ZFHX3: variants seen among roughly 807,000 people sequenced by gnomAD.
ZFHX3 encodes zinc finger homeobox 3, also known as zinc finger homeobox protein 3.
ZFHX3 carries 42 observed loss-of-function variants against 279.1 expected under a neutral mutation model. The observed-to-expected ratio is 0.15, with a 90% CI of 0.12 to 0.19. The LOEUF (loss-of-function observed/expected upper bound fraction) is 0.19, where lower values mean the gene tolerates loss of function less well. Ranked by LOEUF, ZFHX3 falls within the 10% of genes least tolerant of loss-of-function variation. The pLI is 1.00. For missense variants in ZFHX3, 4,981 were observed against 4,754.0 expected (o/e 1.05, Z -1.40); for synonymous variants, 2,293 against 1,957.8 (o/e 1.17, Z -4.52).
chr16:73,416,523 T>C (rs768939504), intron 3 of ZFHX3, among the ~76,000 whole-genome samples: 6 of 152,118 alleles, frequency 3.9e-5, no homozygotes, highest in Non-Finnish European at 7.4e-5. Context: ...GATACCACAG[T>C]CATAAATGTC....
chr16:73,681,033 G>A (rs372714753), intron 1 of ZFHX3, among the ~76,000 whole-genome samples: 92 of 152,314 alleles, frequency 6.0e-4, no homozygotes, highest in African/African-American at 2.2e-3. Context: ...AAAGATTTTA[G>A]TTATTTTATA....
intron 1 of ZFHX3, among the ~76,000 whole-genome samples, chr16:73,738,228 A>T (rs1160209153): frequency 6.6e-6 from 1 of 152,228 alleles, no homozygotes; most frequent in Non-Finnish European, 1.5e-5. Context: ...AGATGCTGTG[A>T]ATGGCACTGT....
intron 5 of ZFHX3, among the ~76,000 whole-genome samples, chr16:73,198,728 G>A (rs1211358044): frequency 6.6e-6 from 1 of 152,162 alleles, no homozygotes; most frequent in African/African-American, 2.4e-5. Context: ...TGTTGGAAGC[G>A]AAGGGCTTCT....
intron 5 of ZFHX3, among the ~76,000 whole-genome samples, chr16:73,181,707 G>A (rs1967799749): frequency 6.6e-6 from 1 of 152,198 alleles, no homozygotes; most frequent in South Asian, 2.1e-4. Flanking sequence ...TGATTGGGAG[G>A]TGGGAGATGA....
chr16:72,853,695 G>A (rs767486918), intron 4 of ZFHX3, among the ~76,000 whole-genome samples: 4 of 152,188 alleles, frequency 2.6e-5, no homozygotes, highest in African/African-American at 9.6e-5. Context: ...TTGGAAGAGA[G>A]GGCAGTAGAA....
chr16:73,392,958 C>G (rs1169071126), intron 3 of ZFHX3, among the ~76,000 whole-genome samples: 3 of 152,232 alleles, frequency 2.0e-5, no homozygotes, highest in Non-Finnish European at 4.4e-5. Flanking sequence ...CCTCAGCCTC[C>G]TGAGTAGCTG....
intron 4 of ZFHX3, among the ~76,000 whole-genome samples, chr16:73,302,539 A>G (rs891985495): frequency 6.6e-6 from 1 of 152,248 alleles, no homozygotes; most frequent in African/African-American, 2.4e-5. Context: ...AGACAGTTGA[A>G]TAAGAGAATC....
At chr16:73,543,005 T>C (rs759111758) in intron 2 of ZFHX3, among the ~76,000 whole-genome samples, 7 of 152,162 alleles carry the variant, frequency 4.6e-5, no homozygotes, top group Non-Finnish European at 7.3e-5. Flanking sequence ...TTGTAGTTTT[T>C]AACCGTATAT....
chr16:73,439,681 G>T lies in ZFHX3; in HGVS notation c.-1291+16322C>A, dbSNP rs191352793. Among the ~76,000 whole-genome samples the T allele has an allele frequency of 9.1e-3, 1,376 of 152,024 alleles. 16 individuals are homozygous for T. The highest frequency in any genetic ancestry group is 0.05 in the South Asian group (240 of 4,806). ...GAAAATGGAGGCTGTTAGTCCACGT[G>T]GTCATCCCTCCTTCCCCCCTTTCAA... On this transcript the variant is annotated intron_variant, in intron 3 of 17. Transcript: ENST00000641206.
intron 1 of ZFHX3, among the ~76,000 whole-genome samples, chr16:73,715,492 T>C (rs1483486120): frequency 6.7e-6 from 1 of 149,952 alleles, no homozygotes; most frequent in Admixed American, 6.7e-5. Context: ...GGTGTCACCA[T>C]CCCATTTTAT....
chr16:72,945,932 A>G (rs768302390), intron 3 of ZFHX3, among the ~76,000 whole-genome samples: 9 of 152,146 alleles, frequency 5.9e-5, no homozygotes, highest in Non-Finnish European at 1.2e-4. Flanking sequence ...GCACACCCAC[A>G]GAGGAGCACC....
At chr16:73,681,648 C>T (rs925354652) in intron 1 of ZFHX3, among the ~76,000 whole-genome samples, 4 of 152,292 alleles carry the variant, frequency 2.6e-5, no homozygotes, top group Non-Finnish European at 2.9e-5. Context: ...AACATACATT[C>T]CCTAAGATAG....
intron 1 of ZFHX3, chr16:73,815,547 T>C (rs1322107698): frequency 6.6e-6 from 1 of 152,078 alleles, no homozygotes; most frequent in Admixed American, 6.6e-5. Context: ...TGTTTACCTA[T>C]TTTCTGTCTT....
chr16:72,958,090 G>T lies in ZFHX3; in HGVS notation c.2056C>A (p.Leu686Met). Residue 686 changes from leucine (L) to methionine (M), a missense_variant, in exon 2 of 10, where the codon CTG (leucine) becomes ATG (methionine). By Grantham distance (15) the Leu-to-Met change is conservative (BLOSUM62 2). Transcript: ENST00000268489. ...TGCTTCTCCTTCATGTGTGCCTCCA[G>T]GGTCTGCTGGTACTTATAGTGCCAG... ...CNWHYKYQQT[L>M]EAHMKEKHPE... 6.2e-7 allele frequency: 1 copy of T among 1,614,104 alleles called. No homozygotes were observed. The highest frequency in any genetic ancestry group is 1.1e-5 in the South Asian group (1 of 91,086).
intron 3 of ZFHX3, among the ~76,000 whole-genome samples, chr16:73,448,336 C>T (rs1391780934): frequency 1.3e-5 from 2 of 152,114 alleles, no homozygotes; most frequent in African/African-American, 4.8e-5. Context: ...TTAAATATGG[C>T]ACACATTTAC....
intron 2 of ZFHX3, among the ~76,000 whole-genome samples, chr16:73,456,542 A>T (rs7191248): frequency 0.37 from 56,727 of 152,100 alleles, 13,469 homozygotes; most frequent in Non-Finnish European, 0.53. Flanking sequence ...ACCACTAACG[A>T]CTTGCAAAAC....
chr16:72,925,752 G>A (rs563742444), intron 3 of ZFHX3, among the ~76,000 whole-genome samples: 20 of 152,298 alleles, frequency 1.3e-4, no homozygotes, highest in South Asian at 4.1e-4. Flanking sequence ...TGTCACCTTC[G>A]GGCCTACTCC....
At chr16:73,365,074 G>T (rs938126826) in intron 3 of ZFHX3, among the ~76,000 whole-genome samples, 1 of 152,162 alleles carries the variant, frequency 6.6e-6, no homozygotes, top group African/African-American at 2.4e-5. Context: ...TCACTGAGAC[G>T]ATGTTTGTGA....
chr16:73,513,685 G>A (rs1220912489), intron 2 of ZFHX3, among the ~76,000 whole-genome samples: 3 of 152,154 alleles, frequency 2.0e-5, no homozygotes, highest in Non-Finnish European at 2.9e-5. Context: ...AGACTCCTGA[G>A]CAGTGGCAAA....
Sources: allele counts gnomAD v4.1 joint callset (sites outside exome capture counted in the v4.1 genomes callset), GRCh38; gene constraint gnomAD v4.1.1; transcripts MANE v1.5; gene names NCBI Gene and HGNC (gene_info 2026-07-23, HGNC 2026-07-21).